Variants in PIK3R6 observed in about 807,000 individuals in gnomAD.
PIK3R6 encodes the protein phosphoinositide 3-kinase regulatory subunit 6.
PIK3R6 carries 91 observed loss-of-function variants against 84.9 expected under a neutral mutation model. The ratio of observed to expected loss-of-function variants is 1.07; its 90% CI spans 0.90 to 1.28. PIK3R6 has a LOEUF of 1.28. PIK3R6 is among the 50% of genes most tolerant of loss of function. The probability of loss-of-function intolerance (pLI) is 0.00; values close to 1 mark genes in which losing one functional copy is unlikely to be tolerated. For synonymous variants in PIK3R6, 416 were observed against 411.4 expected, an observed-to-expected ratio of 1.01 and a Z score of -0.13; for missense variants, 996 against 985.1, an observed-to-expected ratio of 1.01 and a Z score of -0.15.
At chr17:8,829,097 A>G in intron 10 of PIK3R6, 107 bp from the exon 11 acceptor site, 1 of 1,015,040 alleles carries the variant, frequency 9.9e-7, no homozygotes, top group Non-Finnish European at 1.4e-6. Flanking sequence ...AAACACAGAC[A>G]GACACATAAA....
At chr17:8,826,800 T>C (rs2087932292) in intron 13 of PIK3R6, among the ~76,000 whole-genome samples, 1 of 151,800 alleles carries the variant, frequency 6.6e-6, no homozygotes, top group Non-Finnish European at 1.5e-5. Context: ...AAAATAAAAA[T>C]AAATAGATAA....
At chr17:8,821,735 C>T in intron 17 of PIK3R6, 111 bp downstream of exon 17, 2 of 1,196,338 alleles carry the variant, frequency 1.7e-6, no homozygotes, top group Middle Eastern at 1.9e-4. Flanking sequence ...GGTCCTGGCT[C>T]CAGTTCCGTG....
rs1353192719 is a variant in PIK3R6, at chr17:8,860,237, C to T, written c.-92+7292G>A. 2.6e-5 allele frequency among the ~76,000 whole-genome samples: 4 copies of T among 152,196 alleles called. No individual in the cohort carries two copies. In the East Asian group the frequency reaches 7.7e-4, roughly 29 times the overall value. On this transcript the variant is annotated intron_variant, in intron 1 of 19. Coordinates refer to ENST00000619866, the MANE Select transcript of PIK3R6 (RefSeq NM_001010855.4). The stretch of plus-strand genomic sequence containing the variant: ...CCGTTAGGAACTAGGGACACAGCAG[C>T]AGGTGAGTGGCTGGTGAGCCACCAG...
chr17:8,816,556 G>A (rs894105712), intron 18 of PIK3R6, among the ~76,000 whole-genome samples: 11 of 152,120 alleles, frequency 7.2e-5, no homozygotes, highest in Admixed American at 4.6e-4. Context: ...GACAAAGCGG[G>A]AAAAGTATTT....
chr17:8,843,329 C>T (rs911917158), intron 2 of PIK3R6, among the ~76,000 whole-genome samples: 4 of 151,928 alleles, frequency 2.6e-5, no homozygotes, highest in Non-Finnish European at 2.9e-5. Flanking sequence ...CTTCCTTCTT[C>T]CTCTTTCTTA....
chr17:8,830,985 A>T (rs2088213723), intron 9 of PIK3R6, among the ~76,000 whole-genome samples: 2 of 151,836 alleles, frequency 1.3e-5, no homozygotes, highest in South Asian at 2.1e-4. Context: ...CTACTAAAAA[A>T]ACACAAAAAA....
chr17:8,831,377 G>C (rs1459131070), intron 9 of PIK3R6, among the ~76,000 whole-genome samples: 1 of 149,884 alleles, frequency 6.7e-6, no homozygotes, highest in East Asian at 2.0e-4. Flanking sequence ...GTCTGGGCAG[G>C]AGACAGGTGC....
chr17:8,817,799 T>C (rs1014255645), intron 18 of PIK3R6, among the ~76,000 whole-genome samples: 1 of 152,040 alleles, frequency 6.6e-6, no homozygotes. Context: ...GAGTTATTGA[T>C]AAGGGGCTGG....
At chr17:8,815,788 T>C (rs1292127752) in intron 18 of PIK3R6, among the ~76,000 whole-genome samples, 2 of 151,782 alleles carry the variant, frequency 1.3e-5, no homozygotes, top group African/African-American at 4.8e-5. Context: ...AACACAGAAA[T>C]AGGGAAGACC....
rs2088034583 is a variant in PIK3R6, at chr17:8,828,605, C to A, written c.1275G>T (p.Arg425Ser). The change falls in exon 11 of 20, where the codon AGG (arginine) becomes AGT (serine). Residue 425 changes from arginine to serine, a missense_variant. Coordinates refer to ENST00000619866, the MANE Select transcript of PIK3R6 (RefSeq NM_001010855.4). Reference protein sequence around the residue: ...TARVLVLGDDRMLGRLAQAYH... With the variant: ...TARVLVLGDDSMLGRLAQAYH... ...AGGCCTGGGCCAGGCGCCCCAGCAT[C>A]CTGTCATCTCCGAGCACAAGTACCC... The A allele has an allele frequency of 1.2e-6, 2 of 1,613,376 alleles. No individual in the cohort carries two copies. The highest frequency in any genetic ancestry group is 1.3e-5 in the African/African-American group (1 of 75,046).
In PIK3R6 at chr17:8,836,853, G is replaced by A. The variant is rs376932783; in HGVS notation, c.329C>T (p.Thr110Ile). Reference protein sequence around the residue: ...AFCTRLLTLPTPYCTVALDCA... With the variant: ...AFCTRLLTLPIPYCTVALDCA... ...GTCCAAGGCGACTGTGCAGTAGGGG[G>A]TGGGCAGGGTCAGTAACCTTGTGCA... Residue 110 changes from threonine to isoleucine, a missense_variant, in exon 6 of 20, where the codon ACC becomes ATC. Physicochemically the swap from Thr to Ile is moderately conservative, Grantham distance 89 (BLOSUM62 -1). Coordinates refer to ENST00000619866, the MANE Select transcript of PIK3R6 (RefSeq NM_001010855.4). 8.8e-5 allele frequency: 140 copies of A among 1,584,386 alleles called. No individual in the cohort carries two copies. The highest frequency in any genetic ancestry group is 1.3e-4 in the African/African-American group (10 of 74,284).
At chr17:8,853,288 A>G (rs1294942931) in intron 1 of PIK3R6, among the ~76,000 whole-genome samples, 1 of 151,716 alleles carries the variant, frequency 6.6e-6, no homozygotes, top group Non-Finnish European at 1.5e-5. Flanking sequence ...GATGGAGACC[A>G]TCCTGGCTAA....
rs1460856895 is a variant in PIK3R6, at chr17:8,837,781, T to C, written c.258+22A>G. ...CCACATGCAGGTCACCACTACCACCTCGACCTCAGTCCCCAGCTCACCTTG... is the reference window on the plus strand; with the variant it reads ...CCACATGCAGGTCACCACTACCACCCCGACCTCAGTCCCCAGCTCACCTTG... On this transcript the variant is annotated intron_variant, in intron 5 of 19. Coordinates refer to ENST00000619866, the MANE Select transcript of PIK3R6 (RefSeq NM_001010855.4). 1.9e-6 allele frequency: 3 copies of C among 1,604,368 alleles called. No individual in the cohort carries two copies. The Admixed American group carries it at 5.0e-5, about 27-fold the overall frequency.
At chr17:8,821,687 C>A (rs1490752314) in intron 17 of PIK3R6, among the ~76,000 whole-genome samples, 159 bp downstream of exon 17, 1 of 152,280 alleles carries the variant, frequency 6.6e-6, no homozygotes, top group Middle Eastern at 3.4e-3. Context: ...GTCTGGGTGA[C>A]CCGACAGCAA....
intron 1 of PIK3R6, 25 bp downstream of exon 1, chr17:8,867,504 G>A (rs761311850): frequency 7.3e-6 from 3 of 411,812 alleles, no homozygotes; most frequent in Non-Finnish European, 1.5e-5. Context: ...CCTGCCTGGC[G>A]ATCTCCATCC....
intron 17 of PIK3R6, among the ~76,000 whole-genome samples, chr17:8,819,830 A>G (rs974734398): frequency 1.4e-5 from 2 of 146,378 alleles, no homozygotes; most frequent in African/African-American, 5.1e-5. Flanking sequence ...ATATACGTAT[A>G]TACACACACA....
Position 8,819,736 on chromosome 17 carries a change from ATAAG to A in PIK3R6, c.1880-542_1880-539del, listed in dbSNP as rs2087662652. The stretch of plus-strand genomic sequence containing the variant: ...TATATACATATATACACACACATAT[ATAAG>A]TATATATACATACACACGTATATAT... On this transcript the variant is annotated intron_variant, in intron 17 of 19. Transcript: ENST00000619866. Among the ~76,000 whole-genome samples, 5 of 147,974 alleles carry A rather than the reference ATAAG, an allele frequency of 3.4e-5. No homozygotes were observed. The South Asian group carries it at 8.4e-4, about 25-fold the overall frequency.
intron 18 of PIK3R6, among the ~76,000 whole-genome samples, chr17:8,816,494 G>C (rs1229673815): frequency 1.3e-5 from 2 of 152,094 alleles, no homozygotes; most frequent in Non-Finnish European, 2.9e-5. Context: ...ATGATTAGTA[G>C]ATTTTGCAAC....
intron 7 of PIK3R6, 43 bp from the exon 8 acceptor site, chr17:8,835,499 T>C (rs2088426360): frequency 1.3e-6 from 2 of 1,483,460 alleles, no homozygotes; most frequent in Admixed American, 2.0e-5. Context: ...TGATAGTAAC[T>C]AATGGGAGAG....
Sources: gnomAD v4.1 joint callset for allele counts (sites outside exome capture counted in the v4.1 genomes callset) on GRCh38, gnomAD v4.1.1 for gene constraint, MANE v1.5 for transcripts, NCBI Gene and HGNC (gene_info 2026-07-23, HGNC 2026-07-21) for gene names.